Variants in ARHGAP28 observed in about 807,000 individuals in gnomAD.
ARHGAP28 encodes rho GTPase-activating protein 28.
Under a neutral mutation model 90.7 loss-of-function variants are expected in ARHGAP28, and 56 were observed. The ratio of observed to expected loss-of-function variants is 0.62; its 90% CI spans 0.50 to 0.77. The LOEUF (loss-of-function observed/expected upper bound fraction) is 0.77, where lower values mean the gene tolerates loss of function less well. Ranked by LOEUF, ARHGAP28 falls within the 30% of genes least tolerant of loss-of-function variation. The pLI is 0.00. For synonymous variants in ARHGAP28, 308 were observed against 323.3 expected (o/e 0.95, Z 0.51); for missense variants, 869 against 900.9 (o/e 0.96, Z 0.45).
intron 1 of ARHGAP28, among the ~76,000 whole-genome samples, chr18:6,824,434 G>A (rs1241766387): frequency 6.6e-6 from 1 of 152,080 alleles, no homozygotes. Flanking sequence ...CTACTCGGGA[G>A]GCAAAAGCAG....
At chr18:6,850,934 G>GGAGA in intron 3 of ARHGAP28, 100 bp from the exon 4 acceptor site, 1 of 1,550,450 alleles carries the variant, frequency 6.4e-7, no homozygotes, top group South Asian at 1.2e-5. Flanking sequence ...CCAGGCAGCT[G>GGAGA]TACATATATA....
intron 16 of ARHGAP28, chr18:6,898,598 A>T: frequency 3.1e-6 from 5 of 1,596,636 alleles, no homozygotes; most frequent in Non-Finnish European, 4.3e-6. Flanking sequence ...GACTTGAAAT[A>T]TCATTCAAGG....
At chr18:6,876,337 T>G in intron 10 of ARHGAP28, 129 bp downstream of exon 10, 1 of 615,946 alleles carries the variant, frequency 1.6e-6, no homozygotes, top group Non-Finnish European at 2.8e-6. Context: ...CTAGTATTCC[T>G]TGGTACCTGT....
chr18:6,851,142 G>C lies in ARHGAP28; in HGVS notation c.636+16G>C. On this transcript the variant is annotated intron_variant, in intron 4 of 17. Coordinates refer to ENST00000383472, the MANE Select transcript of ARHGAP28 (RefSeq NM_001366230.1). ...TGGTTCCATGGTAAGTTATAGTTGT[G>C]GGGGGATGGTGGTAGGCATGAAATA... is the stretch of plus-strand genomic sequence containing the variant. 1 of 1,609,326 alleles carries C rather than the reference G, an allele frequency of 6.2e-7. No individual in the cohort carries two copies. Among genetic ancestry groups the C allele is most frequent in the Non-Finnish European group, 8.5e-7 (1 of 1,176,342 alleles).
intron 1 of ARHGAP28, among the ~76,000 whole-genome samples, chr18:6,744,049 C>T (rs2056001540): frequency 6.6e-6 from 1 of 151,972 alleles, no homozygotes; most frequent in Non-Finnish European, 1.5e-5. Flanking sequence ...AAAAAAAAAG[C>T]ATAAGATACT....
intron 1 of ARHGAP28, among the ~76,000 whole-genome samples, chr18:6,731,042 T>C (rs578197458): frequency 3.9e-4 from 59 of 152,342 alleles, no homozygotes; most frequent in South Asian, 1.9e-3. Flanking sequence ...AAGAGATCTA[T>C]GTTGGGCTTG....
intron 1 of ARHGAP28, among the ~76,000 whole-genome samples, chr18:6,794,831 C>T (rs1040952144): frequency 1.1e-4 from 17 of 151,978 alleles, no homozygotes; most frequent in Admixed American, 5.9e-4. Context: ...GACAGGTACA[C>T]GCCACCACTC....
intron 5 of ARHGAP28, among the ~76,000 whole-genome samples, chr18:6,864,721 G>C (rs1198181963): frequency 1.3e-5 from 2 of 151,936 alleles, no homozygotes; most frequent in Non-Finnish European, 2.9e-5. Context: ...GTCTTGCTTT[G>C]TCACCGAGGC....
chr18:6,868,310 G>A lies in ARHGAP28; in HGVS notation c.811+76G>A, dbSNP rs565659644. On this transcript the variant is annotated intron_variant, in intron 6 of 17. Coordinates refer to ENST00000383472, the MANE Select transcript of ARHGAP28 (RefSeq NM_001366230.1). ...TCTGGCACTCAATACAGTTAGCAGT[G>A]AATTTCTAAAAGCGAAGTATAAGTG... 8 of 1,345,190 alleles carry A rather than the reference G, an allele frequency of 5.9e-6. No homozygotes were observed. The South Asian group carries it at 8.6e-5, about 15-fold the overall frequency. The allele number at this position is 1,345,190 out of a possible 1,614,324, so 83.3% of individuals were successfully genotyped here. A position where few individuals can be genotyped will look rare whatever the true frequency, so the allele number is the denominator to read the frequency against.
intron 4 of ARHGAP28, among the ~76,000 whole-genome samples, chr18:6,857,748 G>A (rs894776043): frequency 2.0e-5 from 3 of 152,160 alleles, no homozygotes; most frequent in South Asian, 2.1e-4. Flanking sequence ...AGAAGCTGTC[G>A]GTACATTGCA....
chr18:6,742,150 TTTTTTCTTTTTTC>T (rs2055983549), intron 1 of ARHGAP28, among the ~76,000 whole-genome samples: 1 of 147,510 alleles, frequency 6.8e-6, no homozygotes. Flanking sequence ...TTGGTTTTCT[TTTTTTCTTTTTTC>T]TTTTTCTTTT....
In ARHGAP28 at chr18:6,890,579, G is replaced by T. The variant is rs181810207; in HGVS notation, c.1848+36G>T. The T allele has an allele frequency of 1.0e-4, 145 of 1,383,086 alleles. 1 individual carries two copies. In the East Asian group the frequency reaches 3.2e-3, roughly 31 times the overall value. The allele number at this position is 1,383,086 out of a possible 1,614,324, so 85.7% of individuals were successfully genotyped here. ...AAATGAGGCATGGCGATTGTCCACT[G>T]CCTAGATTTGTACTCCTCAAAGGGG... is the stretch of plus-strand genomic sequence containing the variant. On this transcript the variant is annotated intron_variant, in intron 14 of 17. Transcript: ENST00000383472.
At chr18:6,813,652 G>A (rs1277132305) in intron 1 of ARHGAP28, among the ~76,000 whole-genome samples, 2 of 152,112 alleles carry the variant, frequency 1.3e-5, no homozygotes, top group African/African-American at 4.8e-5. Flanking sequence ...AAAGTGTGAA[G>A]CCTTATATTT....
intron 1 of ARHGAP28, 60 bp downstream of exon 1, chr18:6,730,003 T>C: frequency 1.6e-6 from 2 of 1,290,212 alleles, no homozygotes; most frequent in Non-Finnish European, 2.0e-6. Flanking sequence ...GGGTTCGCCG[T>C]GCAGCTGCGC....
chr18:6,847,314 T>C (rs974646254), intron 3 of ARHGAP28, among the ~76,000 whole-genome samples: 8 of 152,146 alleles, frequency 5.3e-5, no homozygotes, highest in Non-Finnish European at 1.0e-4. Flanking sequence ...TCTGGGCTTA[T>C]TTTATTTATT....
At chr18:6,736,601 G>T (rs1437895023) in intron 1 of ARHGAP28, among the ~76,000 whole-genome samples, 1 of 151,604 alleles carries the variant, frequency 6.6e-6, no homozygotes, top group Non-Finnish European at 1.5e-5. Flanking sequence ...TACAAAATTA[G>T]TCGAGCGTGA....
intron 2 of ARHGAP28, among the ~76,000 whole-genome samples, chr18:6,832,652 C>T (rs1373896376): frequency 6.6e-6 from 1 of 151,960 alleles, no homozygotes; most frequent in Non-Finnish European, 1.5e-5. Context: ...AAATGAGCTT[C>T]CTCAATACTC....
chr18:6,837,114 C>T, intron 2 of ARHGAP28, 83 bp from the exon 3 acceptor site: 1 of 982,362 alleles, frequency 1.0e-6, no homozygotes, highest in Non-Finnish European at 1.5e-6. Flanking sequence ...ATATTATTTA[C>T]CAATACTTCT....
chr18:6,822,015 T>G (rs1432729921), intron 1 of ARHGAP28, among the ~76,000 whole-genome samples: 1 of 152,108 alleles, frequency 6.6e-6, no homozygotes. Context: ...AATATCCAGG[T>G]GCAGCCATTG....
Sources: gnomAD v4.1 joint callset for allele counts (sites outside exome capture counted in the v4.1 genomes callset) on GRCh38, gnomAD v4.1.1 for gene constraint, MANE v1.5 for transcripts, NCBI Gene and HGNC (gene_info 2026-07-23, HGNC 2026-07-21) for gene names.